The following MIA2 variants were observed in gnomAD, a reference collection of about 807,000 sequenced individuals.
The protein encoded by MIA2 is MIA SH3 domain ER export factor 2.
MIA2 carries 127 observed loss-of-function variants against 167.8 expected under a neutral mutation model. That is an observed-to-expected ratio of 0.76 (90% CI 0.66 to 0.88). The LOEUF (loss-of-function observed/expected upper bound fraction) is 0.88, where lower values mean the gene tolerates loss of function less well. Among genes scored for constraint, MIA2 ranks in the 40% least tolerant of loss-of-function variants. MIA2 has a pLI of 0.00. For synonymous variants in MIA2, 552 were observed against 541.9 expected (o/e 1.02, Z -0.26); for missense variants, 1,690 against 1,624.7 (o/e 1.04, Z -0.69).
intron 11 of MIA2, 106 bp downstream of exon 11, chr14:39,293,487 A>T: frequency 1.2e-6 from 1 of 831,010 alleles, no homozygotes; most frequent in Non-Finnish European, 1.8e-6. Context: ...AAAAATGTAA[A>T]GAATACAGGT....
At chr14:39,368,645 A>G (rs73279373) in intron 23 of MIA2, among the ~76,000 whole-genome samples, 11,836 of 135,918 alleles carry the variant, frequency 0.087, 1,576 homozygotes, top group African/African-American at 0.29. Context: ...TACTTTTCTT[A>G]TATTTTTAGT....
intron 6 of MIA2, chr14:39,266,821 T>G (rs1594771559): frequency 6.8e-6 from 1 of 146,494 alleles, no homozygotes; most frequent in Non-Finnish European, 1.2e-5. Context: ...GGGCTGGGCC[T>G]GGCGTCGGCC....
rs755373652 is a variant in MIA2, at chr14:39,348,859, C to T, written c.3954C>T (p.Gly1318=). 1.8e-5 allele frequency: 29 copies of T among 1,614,054 alleles called. No homozygotes were observed. Among genetic ancestry groups the T allele is most frequent in the African/African-American group, 2.7e-5 (2 of 75,042 alleles). Residue 1318 remains glycine (G), a synonymous_variant, in exon 28 of 29, where the codon GGC becomes GGT. Coordinates refer to ENST00000640607, the MANE Select transcript of MIA2 (RefSeq NM_001329214.4). The part of the protein sequence containing the change: ...RGPLFPVDAR[G]PFLRRGPPFP... ...CATTGTTTCCAGTGGATGCAAGAGG[C>T]CCATTCTTGAGAAGAGGACCTCCTT...
rs780652556 is a variant in MIA2, at chr14:39,240,622, C to T, written c.311C>T (p.Ser104Phe). Residue 104 changes from serine to phenylalanine, a missense_variant, in exon 3 of 29, where the codon TCT (serine) becomes TTT (phenylalanine). Physicochemically the swap from Ser to Phe is radical, Grantham distance 155 (BLOSUM62 -2). Coordinates refer to ENST00000640607, the MANE Select transcript of MIA2 (RefSeq NM_001329214.4). Reference protein sequence around the residue: ...DAVQIEEVFISEEIQMSTKES... With the variant: ...DAVQIEEVFIFEEIQMSTKES... The stretch of plus-strand genomic sequence containing the variant: ...GTCCAGATTGAAGAGGTGTTCATAT[C>T]TGAGGAAATTCAGATGTCAACGAAA... 1 of 1,612,502 alleles carries T rather than the reference C, an allele frequency of 6.2e-7. No homozygotes were observed. Among genetic ancestry groups the T allele is most frequent in the South Asian group, 1.1e-5 (1 of 90,924 alleles).
intron 13 of MIA2, among the ~76,000 whole-genome samples, chr14:39,295,516 A>T (rs1566786686): frequency 6.6e-6 from 1 of 152,114 alleles, no homozygotes; most frequent in Non-Finnish European, 1.5e-5. Context: ...TATTATAATT[A>T]TCCAAATATT....
intron 6 of MIA2, chr14:39,265,368 G>A: frequency 6.3e-7 from 1 of 1,593,022 alleles, no homozygotes; most frequent in Non-Finnish European, 8.6e-7. Context: ...TACATGTTAG[G>A]AAATTTTAAC....
chr14:39,349,856 A>G (rs2074150955), intron 28 of MIA2, among the ~76,000 whole-genome samples: 1 of 152,140 alleles, frequency 6.6e-6, no homozygotes, highest in Non-Finnish European at 1.5e-5. Flanking sequence ...CTCTTTTTTA[A>G]AAAACAGGTG....
intron 25 of MIA2, among the ~76,000 whole-genome samples, chr14:39,336,118 C>T (rs554506183): frequency 6.6e-6 from 1 of 152,182 alleles, no homozygotes; most frequent in South Asian, 2.1e-4. Context: ...GGATATATAC[C>T]CAGTAATGGG....
chr14:39,356,618 CTCTAGTTCTTTTAA>C (rs1383022000), intron 23 of MIA2, among the ~76,000 whole-genome samples: 3 of 150,466 alleles, frequency 2.0e-5, no homozygotes, highest in Non-Finnish European at 4.5e-5. Flanking sequence ...GTTTGCTCTT[CTCTAGTTCTTTTAA>C]TTGTGATATT....
intron 17 of MIA2, among the ~76,000 whole-genome samples, chr14:39,305,239 C>G (rs781456738): frequency 6.6e-6 from 1 of 152,132 alleles, no homozygotes; most frequent in African/African-American, 2.4e-5. Flanking sequence ...TTTCAAGAAA[C>G]ATTAGTATTA....
chr14:39,318,236 A>G (rs1008083628), intron 22 of MIA2, among the ~76,000 whole-genome samples: 2 of 152,204 alleles, frequency 1.3e-5, no homozygotes, highest in Admixed American at 1.3e-4. Context: ...TATTCTGCAA[A>G]AAGTATAACT....
Position 39,317,938 on chromosome 14 carries a change from T to C in MIA2, c.3217-6T>C. On this transcript the variant is annotated splice_region_variant and splice_polypyrimidine_tract_variant and intron_variant, in intron 21 of 28. Transcript: ENST00000640607. Reference sequence around the variant, plus strand: ...TATATTTTTAAAATGTGTTATTTTCTTCAAGTTGGCAGCTCGGAATGCTGA... The same window carrying C: ...TATATTTTTAAAATGTGTTATTTTCCTCAAGTTGGCAGCTCGGAATGCTGA... The C allele has an allele frequency of 6.4e-7, 1 of 1,568,182 alleles. No individual in the cohort carries two copies. Among genetic ancestry groups the C allele is most frequent in the South Asian group, 1.2e-5 (1 of 80,354 alleles).
chr14:39,347,388 A>T (rs1209416931), intron 26 of MIA2, among the ~76,000 whole-genome samples: 2 of 152,098 alleles, frequency 1.3e-5, no homozygotes, highest in South Asian at 4.1e-4. Context: ...AGAAGAGGAT[A>T]GGAGGCAAAC....
intron 25 of MIA2, among the ~76,000 whole-genome samples, chr14:39,337,223 G>C (rs779907562): frequency 6.6e-6 from 1 of 152,208 alleles, no homozygotes; most frequent in African/African-American, 2.4e-5. Context: ...GAAAGAAAAT[G>C]AGGTCAAGAA....
At position 39,247,654 on chromosome 14, in the gene MIA2, A is replaced by G; in HGVS notation, c.1080A>G (p.Thr360=). Residue 360 remains threonine, a synonymous_variant, in exon 4 of 29, where the codon ACA becomes ACG. Transcript: ENST00000640607. ...EATVPCTEIL[T]EKKDTITNDS... The stretch of plus-strand genomic sequence containing the variant: ...CAGTTCCATGTACAGAAATATTAAC[A>G]GAAAAAAAAGACACAATCACTAATG... 6.2e-7 allele frequency: 1 copy of G among 1,609,526 alleles called. No homozygotes were observed.
rs199543427 is a variant in MIA2, at chr14:39,238,177, G to T, written c.249+1122G>T. Among the ~76,000 whole-genome samples, 6 of 145,420 alleles carry T rather than the reference G, an allele frequency of 4.1e-5. No individual in the cohort carries two copies. The East Asian group carries it at 1.5e-3, about 37-fold the overall frequency. Reference sequence around the variant, plus strand: ...GTAGCTAGGGAAGCTAGGTGTACAAGTTTTTTTTTTTTATTGAGACAGAGT... The same window carrying T: ...GTAGCTAGGGAAGCTAGGTGTACAATTTTTTTTTTTTTATTGAGACAGAGT... On this transcript the variant is annotated intron_variant, in intron 2 of 28. Transcript: ENST00000640607.
intron 23 of MIA2, among the ~76,000 whole-genome samples, chr14:39,367,763 G>A (rs1464826724): frequency 2.0e-5 from 3 of 152,182 alleles, no homozygotes; most frequent in Admixed American, 6.5e-5. Flanking sequence ...AATGTCAGAT[G>A]CCTCTCGTCT....
At chr14:39,331,056 G>A (rs2068751881) in intron 25 of MIA2, among the ~76,000 whole-genome samples, 1 of 152,096 alleles carries the variant, frequency 6.6e-6, no homozygotes, top group East Asian at 1.9e-4. Flanking sequence ...TGACAGTGGG[G>A]TGTCAAAGTC....
intron 18 of MIA2, among the ~76,000 whole-genome samples, chr14:39,313,075 A>G (rs886161327): frequency 6.6e-6 from 1 of 152,098 alleles, no homozygotes; most frequent in Non-Finnish European, 1.5e-5. Flanking sequence ...CTTTGATCCT[A>G]TTTTTAAGAT....
Sources: allele counts gnomAD v4.1 joint callset (sites outside exome capture counted in the v4.1 genomes callset), GRCh38; gene constraint gnomAD v4.1.1; transcripts MANE v1.5; gene names NCBI Gene and HGNC (gene_info 2026-07-23, HGNC 2026-07-21).